SLC30A10: variants seen among roughly 807,000 people sequenced by gnomAD.
The protein encoded by SLC30A10 is calcium/manganese antiporter SLC30A10.
Under a neutral mutation model 21.7 loss-of-function variants are expected in SLC30A10, and 8 were observed. That is an observed-to-expected ratio of 0.37 (90% CI 0.22 to 0.67). The LOEUF is 0.67. Ranked by LOEUF, SLC30A10 falls within the 30% of genes least tolerant of loss-of-function variation. The pLI, the probability that SLC30A10 is intolerant of heterozygous loss-of-function variation, is 0.58. For missense variants in SLC30A10, 521 were observed against 642.5 expected (o/e 0.81, Z 2.04); for synonymous variants, 272 against 279.4 (o/e 0.97, Z 0.26).
rs1427812692 is a variant in SLC30A10 at position 219,918,784 on chromosome 1, T to C, written c.719-290A>G. ...TCTCACTGGGCCACATCGCTACCACTCACCACCCATCAAAGGGCACCAAGC... is the reference window on the plus strand; with the variant it reads ...TCTCACTGGGCCACATCGCTACCACCCACCACCCATCAAAGGGCACCAAGC... On this transcript the variant is annotated intron_variant, in intron 2 of 3. Transcript: ENST00000366926. The surrounding 1 kb of genome is among the most constrained non-coding windows in gnomAD (Gnocchi z 4.4). 1.9e-5 allele frequency: 6 copies of C among 310,554 alleles called. No homozygotes were observed. Among genetic ancestry groups the C allele is most frequent in the Non-Finnish European group, 3.5e-5 (6 of 170,748 alleles). 19.2% of individuals were successfully genotyped at this position (310,554 alleles called of 1,614,324 possible).
At chr1:219,940,675 G>C (rs1049556746) in intron 1 of SLC30A10, among the ~76,000 whole-genome samples, 6 of 152,152 alleles carry the variant, frequency 3.9e-5, no homozygotes, top group African/African-American at 1.4e-4. Context: ...TAGTTATTGT[G>C]GGGCAGGGTT....
At chr1:219,942,065 G>A (rs1660130813) in intron 1 of SLC30A10, among the ~76,000 whole-genome samples, 1 of 152,164 alleles carries the variant, frequency 6.6e-6, no homozygotes, top group African/African-American at 2.4e-5. Context: ...AAGATGGCCT[G>A]GTTTATAGTA....
rs959141901 is a variant in SLC30A10 at position 219,915,880 on chromosome 1, C to T, written c.1027G>A (p.Gly343Arg). The change falls in exon 4 of 4, where the codon GGA (glycine) becomes AGA (arginine). Residue 343 changes from glycine (G) to arginine (R), a missense_variant. Coordinates refer to ENST00000366926, the MANE Select transcript of SLC30A10 (RefSeq NM_018713.3). ...HEVHIWELVS[G>R]KIIATLHIKY... ...ATGTGCAGGGTGGCAATAATCTTTCCACTTACAAGTTCCCAGATGTGCACT... is the reference window on the plus strand; with the variant it reads ...ATGTGCAGGGTGGCAATAATCTTTCTACTTACAAGTTCCCAGATGTGCACT... 6.2e-7 allele frequency: 1 copy of T among 1,614,218 alleles called. No individual in the cohort carries two copies. Among genetic ancestry groups the T allele is most frequent in the Non-Finnish European group, 8.5e-7 (1 of 1,180,046 alleles).
In SLC30A10 at chr1:219,918,138, G is replaced by A. The variant is rs573843400; in HGVS notation, c.958+117C>T. On this transcript the variant is annotated intron_variant, in intron 3 of 3. Coordinates refer to ENST00000366926, the MANE Select transcript of SLC30A10 (RefSeq NM_018713.3). This position sits in a 1 kb window ranked among gnomAD's most constrained non-coding sequence, Gnocchi z 4.4. Reference sequence around the variant, plus strand: ...CATATGATGACATCTCTACCACCTGGTGATTTAAGGTGTTTCAGAATACAT... The same window carrying A: ...CATATGATGACATCTCTACCACCTGATGATTTAAGGTGTTTCAGAATACAT... 195 of 1,309,950 alleles carry A rather than the reference G, an allele frequency of 1.5e-4. 1 individual carries two copies. In the African/African-American group the frequency reaches 2.7e-3, roughly 18 times the overall value. 81.1% of individuals were successfully genotyped at this position (1,309,950 alleles called of 1,614,324 possible). A position where few individuals can be genotyped will look rare whatever the true frequency, so the allele number is the denominator to read the frequency against.
Position 219,927,827 on chromosome 1 carries a change from C to A in SLC30A10, c.614G>T (p.Gly205Val), listed in dbSNP as rs1395208301. 2.6e-6 allele frequency: 4 copies of A among 1,547,972 alleles called. No individual in the cohort carries two copies. The highest frequency in any genetic ancestry group is 1.2e-5 in the South Asian group (1 of 83,946). The change falls in exon 1 of 4, where the codon GGG (glycine) becomes GTG (valine). Residue 205 changes from glycine (G) to valine (V), a missense_variant. Gly to Val is a moderately radical substitution (Grantham distance 109, BLOSUM62 -3). Coordinates refer to ENST00000366926, the MANE Select transcript of SLC30A10 (RefSeq NM_018713.3). ...TGCTACGTTTGCGAACACGGTCGCC[C>A]CCTTCTCCCGCTTCCTTTCCACCGA... ...GTSVERKREK[G>V]ATVFANVAGD...
chr1:219,918,118 GA>G lies in SLC30A10; in HGVS notation c.958+136del, dbSNP rs1180726833. 39 of 1,161,212 alleles carry G rather than the reference GA, an allele frequency of 3.4e-5. No individual in the cohort carries two copies. In the African/African-American group the frequency reaches 5.7e-4, roughly 17 times the overall value. The allele number at this position is 1,161,212 out of a possible 1,614,324, so 71.9% of individuals were successfully genotyped here. A position where few individuals can be genotyped will look rare whatever the true frequency, so the allele number is the denominator to read the frequency against. ...CATCTTAATAGGCTATAAAACATAT[GA>G]TGACATCTCTACCACCTGGTGATTT... On this transcript the variant is annotated intron_variant, in intron 3 of 3. Transcript: ENST00000366926. This position sits in a 1 kb window ranked among gnomAD's most constrained non-coding sequence, Gnocchi z 4.4.
chr1:219,926,876 T>C, intron 2 of SLC30A10, 152 bp downstream of exon 2: 1 of 616,136 alleles, frequency 1.6e-6, no homozygotes, highest in Middle Eastern at 3.6e-4. Context: ...ATCAATGCAG[T>C]GATTACGAAA....
chr1:219,937,768 C>G (rs555600175), intron 1 of SLC30A10, among the ~76,000 whole-genome samples: 1 of 152,246 alleles, frequency 6.6e-6, no homozygotes, highest in South Asian at 2.1e-4. Flanking sequence ...ACTGAGCTCG[C>G]GACACTGAAC....
chr1:219,945,531 A>G (rs993368344), intron 1 of SLC30A10, among the ~76,000 whole-genome samples: 17 of 152,388 alleles, frequency 1.1e-4, no homozygotes, highest in Middle Eastern at 6.8e-3. Flanking sequence ...CGTAGAATGC[A>G]ACACAGAACA....
rs1374808678 is a variant in SLC30A10 at position 219,918,134 on chromosome 1, C to T, written c.958+121G>A. 2.3e-6 allele frequency: 3 copies of T among 1,287,460 alleles called. No homozygotes were observed. Among genetic ancestry groups the T allele is most frequent in the Admixed American group, 2.1e-5 (1 of 47,250 alleles). 79.8% of individuals were successfully genotyped at this position (1,287,460 alleles called of 1,614,324 possible). ...AAAACATATGATGACATCTCTACCA[C>T]CTGGTGATTTAAGGTGTTTCAGAAT... On this transcript the variant is annotated intron_variant, in intron 3 of 3. Coordinates refer to ENST00000366926, the MANE Select transcript of SLC30A10 (RefSeq NM_018713.3). The surrounding 1 kb of genome is among the most constrained non-coding windows in gnomAD (Gnocchi z 4.4).
intron 1 of SLC30A10, among the ~76,000 whole-genome samples, chr1:219,947,767 T>C (rs1333904413): frequency 6.6e-6 from 1 of 151,856 alleles, no homozygotes; most frequent in Non-Finnish European, 1.5e-5. Context: ...GGGGCAGAGG[T>C]TGCAGTGAGC....
At chr1:219,942,985 C>T (rs1031718012) in intron 1 of SLC30A10, among the ~76,000 whole-genome samples, 11 of 152,082 alleles carry the variant, frequency 7.2e-5, no homozygotes, top group Admixed American at 3.9e-4. Flanking sequence ...GCAGAGGTTT[C>T]GATGAGCTGA....
intron 1 of SLC30A10, among the ~76,000 whole-genome samples, chr1:219,942,956 G>A (rs1660139867): frequency 1.3e-5 from 2 of 152,078 alleles, no homozygotes; most frequent in Non-Finnish European, 2.9e-5. Context: ...GAGGCACAAG[G>A]ATCACTTGAA....
intron 2 of SLC30A10, among the ~76,000 whole-genome samples, chr1:219,926,244 T>C (rs1434048849): frequency 1.3e-5 from 2 of 152,228 alleles, no homozygotes; most frequent in Admixed American, 6.5e-5. Flanking sequence ...TTTTTCATTG[T>C]ATTATTTCCA....
At chr1:219,935,692 A>C (rs998356843) in intron 1 of SLC30A10, among the ~76,000 whole-genome samples, 3 of 152,230 alleles carry the variant, frequency 2.0e-5, no homozygotes, top group Non-Finnish European at 4.4e-5. Context: ...ATAATCAACA[A>C]ACATTGGCTC....
chr1:219,954,548 C>T (rs1005672150), intron 1 of SLC30A10, among the ~76,000 whole-genome samples: 8 of 151,786 alleles, frequency 5.3e-5, no homozygotes, highest in African/African-American at 1.7e-4. Context: ...GGCATAGTGG[C>T]GCACGCCTGT....
intron 1 of SLC30A10, among the ~76,000 whole-genome samples, chr1:219,933,806 A>G (rs1236092126): frequency 1.3e-5 from 2 of 152,336 alleles, no homozygotes; most frequent in Admixed American, 1.3e-4. Flanking sequence ...TCTGGGGAGC[A>G]GTGAAGTTTA....
chr1:219,936,401 C>T (rs989433209), intron 1 of SLC30A10, among the ~76,000 whole-genome samples: 14 of 152,208 alleles, frequency 9.2e-5, no homozygotes, highest in Non-Finnish European at 1.3e-4. Flanking sequence ...TTAAATGGGT[C>T]AGCTTAAGCT....
chr1:219,947,463 G>A (rs181881752), intron 1 of SLC30A10, among the ~76,000 whole-genome samples: 104 of 152,270 alleles, frequency 6.8e-4, no homozygotes, highest in African/African-American at 1.9e-3. Flanking sequence ...AGCCTGGGAG[G>A]TTGAGGCTGC....
Sources: gnomAD v4.1 joint callset for allele counts (sites outside exome capture counted in the v4.1 genomes callset) on GRCh38, gnomAD v4.1.1 for gene constraint, Gnocchi (gnomAD v3.1) non-coding constraint, MANE v1.5 for transcripts, NCBI Gene and HGNC (gene_info 2026-07-23, HGNC 2026-07-21) for gene names.